PAQR3: variants seen among roughly 807,000 people sequenced by gnomAD.
PAQR3 encodes the protein Raf kinase trapping to Golgi.
PAQR3 carries 39 observed loss-of-function variants against 41.7 expected under a neutral mutation model. The ratio of observed to expected loss-of-function variants is 0.93; its 90% CI spans 0.72 to 1.22. The LOEUF is 1.22. PAQR3 is among the 50% of genes most tolerant of loss of function. The probability of loss-of-function intolerance (pLI) is 0.00; values close to 1 mark genes in which losing one functional copy is unlikely to be tolerated. For synonymous variants in PAQR3, 140 were observed against 140.6 expected, an observed-to-expected ratio of 1.00 and a Z score of 0.03; for missense variants, 366 against 385.6, an observed-to-expected ratio of 0.95 and a Z score of 0.42.
At chr4:78,896,929 A>T (rs1232924027) in intron 11 of PAQR3, among the ~76,000 whole-genome samples, 2 of 152,298 alleles carry the variant, frequency 1.3e-5, no homozygotes, top group East Asian at 3.9e-4. Flanking sequence ...TACAGAATGA[A>T]TACACTGATT....
At chr4:78,911,796 T>C (rs768276768), downstream of PAQR3, 1 of 1,613,902 alleles carries the variant, frequency 6.2e-7, no homozygotes, top group South Asian at 1.1e-5. Context: ...CATGGCACCC[T>C]CCACATCAGG....
At chr4:78,911,125 G>A (rs143310663), downstream of PAQR3, 11,214 of 1,613,946 alleles carry the variant, frequency 6.9e-3, 36 homozygotes, top group Non-Finnish European at 8.3e-3. Context: ...TGTATTTGGC[G>A]CTGTCCCCTT....
chr4:78,888,074 AAAG>A (rs1733200233), exon 12 of PAQR3: 1 of 152,240 alleles, frequency 6.6e-6, no homozygotes, highest in South Asian at 2.1e-4. Context: ...TGTAAAGCCA[AAAG>A]AAGAATTGAG....
chr4:78,907,338 A>G (rs189298554), downstream of PAQR3, among the ~76,000 whole-genome samples: 3 of 152,352 alleles, frequency 2.0e-5, no homozygotes, highest in Admixed American at 1.3e-4. Context: ...AAGTAATGGT[A>G]GCCAGTTGAA....
rs551119886 is a variant in PAQR3, at chr4:78,892,233, T to C, written c.*837-4085A>G. 2.6e-5 allele frequency among the ~76,000 whole-genome samples: 4 copies of C among 152,220 alleles called. No individual in the cohort carries two copies. The East Asian group carries it at 7.7e-4, about 29-fold the overall frequency. The stretch of plus-strand genomic sequence containing the variant: ...GCTTCAAGTTACCTTTGTGAAAAGG[T>C]TTTTAATTACATATTTAATATCTTT... On this transcript the variant is annotated intron_variant and NMD_transcript_variant, in intron 11 of 12. Coordinates refer to the PAQR3 transcript ENST00000342820.
chr4:78,938,830 TG>T (rs556035835), intron 1 of PAQR3, among the ~76,000 whole-genome samples: 20 of 152,016 alleles, frequency 1.3e-4, no homozygotes, highest in African/African-American at 4.6e-4. Context: ...TTATGATCAC[TG>T]TTACTATCAT....
rs1327157736 is a variant in PAQR3, at chr4:78,915,170, A to G, written c.*5369T>C. On this transcript the variant is annotated 3_prime_UTR_variant, in exon 6 of 6. Coordinates refer to ENST00000512733, the MANE Select transcript of PAQR3 (RefSeq NM_001040202.2). ...TGTACGTGTTGGGTATAGTTACGAC[A>G]TTATCCGGATTTGCAAATAGACACA... 6.6e-6 allele frequency: 1 copy of G among 151,994 alleles called. No homozygotes were observed. The highest frequency in any genetic ancestry group is 2.4e-5 in the African/African-American group (1 of 41,418). 9.4% of individuals were successfully genotyped at this position (151,994 alleles called of 1,614,324 possible). A position where few individuals can be genotyped will look rare whatever the true frequency, so the allele number is the denominator to read the frequency against.
intron 11 of PAQR3, among the ~76,000 whole-genome samples, chr4:78,904,624 A>C (rs914303470): frequency 6.6e-6 from 1 of 151,972 alleles, no homozygotes; most frequent in African/African-American, 2.4e-5. Flanking sequence ...AGTTTCCAGC[A>C]ATCAGACTCA....
chr4:78,918,902 ATCT>A lies in PAQR3; in HGVS notation c.*1634_*1636del, dbSNP rs1180085773. 2 of 984,896 alleles carry A rather than the reference ATCT, an allele frequency of 2.0e-6. No individual in the cohort carries two copies. Among genetic ancestry groups the A allele is most frequent in the African/African-American group, 1.7e-5 (1 of 57,208 alleles). The allele number at this position is 984,896 out of a possible 1,614,324, so 61.0% of individuals were successfully genotyped here. A position where few individuals can be genotyped will look rare whatever the true frequency, so the allele number is the denominator to read the frequency against. ...TATATCCTACTACTGTTGCACCAAA[ATCT>A]TCTATCACTTAACATATGGATCAAA... On this transcript the variant is annotated 3_prime_UTR_variant, in exon 6 of 6. Transcript: ENST00000512733.
rs1735152111 is a variant in PAQR3 at position 78,917,072 on chromosome 4, A to G, written c.*3467T>C. 1 of 151,994 alleles carries G rather than the reference A, an allele frequency of 6.6e-6. No individual in the cohort carries two copies. The highest frequency in any genetic ancestry group is 6.6e-5 in the Admixed American group (1 of 15,222). 9.4% of individuals were successfully genotyped at this position (151,994 alleles called of 1,614,324 possible). A position where few individuals can be genotyped will look rare whatever the true frequency, so the allele number is the denominator to read the frequency against. On this transcript the variant is annotated 3_prime_UTR_variant, in exon 6 of 6. Coordinates refer to ENST00000512733, the MANE Select transcript of PAQR3 (RefSeq NM_001040202.2). ...GATTAGAAAAGTTCTATTAACAAAG[A>G]ATAGTTTGCAGTGTATTACTGTTCA...
chr4:78,931,928 C>A (rs1041130997), intron 2 of PAQR3, among the ~76,000 whole-genome samples: 1 of 152,048 alleles, frequency 6.6e-6, no homozygotes, highest in Admixed American at 6.6e-5. Flanking sequence ...TAAGTGCCCC[C>A]CAACAGAGGT....
At chr4:78,906,423 AC>A (rs1428194013) in intron 10 of PAQR3, among the ~76,000 whole-genome samples, 1 of 152,174 alleles carries the variant, frequency 6.6e-6, no homozygotes, top group Non-Finnish European at 1.5e-5. Flanking sequence ...AGTTGCCCGT[AC>A]TATTTGCAGA....
At position 78,922,201 on chromosome 4, in the gene PAQR3, C is replaced by T. The variant is rs1478466060; in HGVS notation, c.794-1520G>A. 6.6e-6 allele frequency: 7 copies of T among 1,068,030 alleles called. No individual in the cohort carries two copies. The African/African-American group carries it at 9.9e-5, about 15-fold the overall frequency. 66.2% of individuals were successfully genotyped at this position (1,068,030 alleles called of 1,614,324 possible). A position where few individuals can be genotyped will look rare whatever the true frequency, so the allele number is the denominator to read the frequency against. On this transcript the variant is annotated intron_variant, in intron 5 of 5. Transcript: ENST00000512733. ...AGATGGGTGGTCTTCAATTCAGTGGCATGTCCTAGATCTGTTCCCAAATCC... is the reference window on the plus strand; with the variant it reads ...AGATGGGTGGTCTTCAATTCAGTGGTATGTCCTAGATCTGTTCCCAAATCC...
intron 11 of PAQR3, among the ~76,000 whole-genome samples, chr4:78,902,371 T>G (rs1002022265): frequency 6.6e-6 from 1 of 152,144 alleles, no homozygotes; most frequent in African/African-American, 2.4e-5. Context: ...GAAATACTGT[T>G]CACAACTATT....
At chr4:78,922,878 G>A (rs1189282736) in intron 5 of PAQR3, 2 of 455,776 alleles carry the variant, frequency 4.4e-6, no homozygotes, top group Non-Finnish European at 4.4e-6. Context: ...AACCCAAGCA[G>A]TCTGACTCCA....
chr4:78,939,304 G>T lies in PAQR3; in HGVS notation c.-80C>A. 1 of 1,349,692 alleles carries T rather than the reference G, an allele frequency of 7.4e-7. No individual in the cohort carries two copies. Among genetic ancestry groups the T allele is most frequent in the Non-Finnish European group, 9.8e-7 (1 of 1,023,280 alleles). 83.6% of individuals were successfully genotyped at this position (1,349,692 alleles called of 1,614,324 possible). ...CCGGGGAGGGGGCTTCGCCGCTGGC[G>T]CCCCCGCCCCGGAGCCCGCGGACGC... On this transcript the variant is annotated 5_prime_UTR_variant, in exon 1 of 6. Transcript: ENST00000512733.
Position 78,919,993 on chromosome 4 carries a change from C to G in PAQR3, c.*546G>C. On this transcript the variant is annotated 3_prime_UTR_variant, in exon 6 of 6. Coordinates refer to ENST00000512733, the MANE Select transcript of PAQR3 (RefSeq NM_001040202.2). ...CTAATGTTCTTAGGGAGAGAAGAAC[C>G]TATAGCTAAAGGATATAATATCTGA... 1.0e-6 allele frequency: 1 copy of G among 985,160 alleles called. No individual in the cohort carries two copies. The highest frequency in any genetic ancestry group is 1.2e-6 in the Non-Finnish European group (1 of 829,464). 61.0% of individuals were successfully genotyped at this position (985,160 alleles called of 1,614,324 possible). A position where few individuals can be genotyped will look rare whatever the true frequency, so the allele number is the denominator to read the frequency against.
chr4:78,938,993 G>C lies in PAQR3; in HGVS notation c.185+47C>G, dbSNP rs775385744. The C allele has an allele frequency of 2.1e-5, 32 of 1,509,170 alleles. No individual in the cohort carries two copies. The South Asian group carries it at 3.7e-4, about 17-fold the overall frequency. 93.5% of individuals were successfully genotyped at this position (1,509,170 alleles called of 1,614,324 possible). On this transcript the variant is annotated intron_variant, in intron 1 of 5. Transcript: ENST00000512733. The stretch of plus-strand genomic sequence containing the variant: ...AGAAGGGGGACCAGACAAAAAGGGT[G>C]TAGGTGAGAGAAGGGGGCACTCCAG...
Position 78,930,880 on chromosome 4 carries a change from TTA to T in PAQR3, c.349-557_349-556del, listed in dbSNP as rs147412098. Among the ~76,000 whole-genome samples the T allele has an allele frequency of 7.7e-3, 1,160 of 150,342 alleles. 5 individuals carry two copies. The highest frequency in any genetic ancestry group is 0.011 in the Non-Finnish European group (721 of 67,338). ...ATATTAGTCTATACACATGCACACATTATATATATATATATATATATATATAC... is the reference window on the plus strand; with the variant it reads ...ATATTAGTCTATACACATGCACACATTATATATATATATATATATATATAC... On this transcript the variant is annotated intron_variant, in intron 2 of 5. Coordinates refer to ENST00000512733, the MANE Select transcript of PAQR3 (RefSeq NM_001040202.2).
Sources: allele counts gnomAD v4.1 joint callset (sites outside exome capture counted in the v4.1 genomes callset), GRCh38; gene constraint gnomAD v4.1.1; transcripts MANE v1.5; gene names NCBI Gene and HGNC (gene_info 2026-07-23, HGNC 2026-07-21).